The following COL19A1 variants were observed in gnomAD, a reference collection of about 807,000 sequenced individuals.
COL19A1 encodes the protein collagen alpha-1(XIX) chain.
In COL19A1, 159 loss-of-function variants were observed where a neutral mutation model predicts 190.2. That is an observed-to-expected ratio of 0.84 (90% confidence interval 0.73 to 0.95). The LOEUF (loss-of-function observed/expected upper bound fraction) is 0.95, where lower values mean the gene tolerates loss of function less well. Among genes scored for constraint, COL19A1 ranks in the 40% least tolerant of loss-of-function variants. The pLI, the probability that COL19A1 is intolerant of heterozygous loss-of-function variation, is 0.00. For missense variants in COL19A1, 1,418 were observed against 1,431.9 expected, an observed-to-expected ratio of 0.99 and a Z score of 0.16; for synonymous variants, 509 against 458.9, an observed-to-expected ratio of 1.11 and a Z score of -1.39.
intron 2 of COL19A1, chr6:69,879,964 C>T: frequency 2.6e-6 from 1 of 380,096 alleles, no homozygotes; most frequent in African/African-American, 2.1e-5. Context: ...TCCCTTTCCT[C>T]TTCAATAATT....
chr6:69,870,061 T>C (rs903047232), intron 1 of COL19A1, among the ~76,000 whole-genome samples: 4 of 152,234 alleles, frequency 2.6e-5, no homozygotes, highest in Non-Finnish European at 5.9e-5. Flanking sequence ...TTTTACTCTA[T>C]TTCTCCATCA....
chr6:70,163,441 G>A, intron 36 of COL19A1, 45 bp downstream of exon 36: 2 of 1,564,830 alleles, frequency 1.3e-6, no homozygotes, highest in Non-Finnish European at 1.8e-6. Flanking sequence ...GGGGCTTGGA[G>A]TGGGAGCAGG....
intron 15 of COL19A1, among the ~76,000 whole-genome samples, chr6:70,082,218 C>A (rs1033741345): frequency 6.6e-6 from 1 of 151,416 alleles, no homozygotes; most frequent in Non-Finnish European, 1.5e-5. Context: ...CTTTAACTGA[C>A]TACTGATGAA....
intron 9 of COL19A1, among the ~76,000 whole-genome samples, chr6:69,944,553 T>A (rs1773673459): frequency 6.6e-6 from 1 of 152,118 alleles, no homozygotes; most frequent in Non-Finnish European, 1.5e-5. Flanking sequence ...TTTTTTCTTT[T>A]AAAAAACAAA....
chr6:70,144,823 TATG>T (rs1266065353), intron 24 of COL19A1, 92 bp from the exon 25 acceptor site: 16 of 759,602 alleles, frequency 2.1e-5, no homozygotes, highest in Non-Finnish European at 3.6e-5. Context: ...TTTGACTGGC[TATG>T]ATGACAACTT....
intron 40 of COL19A1, 77 bp from the exon 41 acceptor site, chr6:70,171,887 A>C: frequency 6.9e-7 from 1 of 1,444,592 alleles, no homozygotes; most frequent in Non-Finnish European, 9.7e-7. Flanking sequence ...TTAAGCAAAA[A>C]AATCTTTGCT....
chr6:70,163,243 A>G (rs1219338240), intron 35 of COL19A1, 100 bp from the exon 36 acceptor site: 1 of 1,042,128 alleles, frequency 9.6e-7, no homozygotes, highest in Admixed American at 2.1e-5. Flanking sequence ...AATTAGGATC[A>G]AATGACCTTC....
At chr6:69,879,943 T>C (rs1582264091) in intron 2 of COL19A1, 4 of 411,870 alleles carry the variant, frequency 9.7e-6, no homozygotes, top group Non-Finnish European at 8.5e-6. Flanking sequence ...ATATATGACA[T>C]TATGTATCTT....
At chr6:69,982,973 AAAATAAAT>A (rs56922945) in intron 11 of COL19A1, among the ~76,000 whole-genome samples, 7,080 of 132,574 alleles carry the variant, frequency 0.053, 214 homozygotes, top group Admixed American at 0.075. Context: ...CTCTGTCTCA[AAAATAAAT>A]AAATAAATAA....
At chr6:70,018,760 C>A (rs1170068349) in intron 11 of COL19A1, among the ~76,000 whole-genome samples, 1 of 152,110 alleles carries the variant, frequency 6.6e-6, no homozygotes, top group African/African-American at 2.4e-5. Flanking sequence ...TGGGTAACTG[C>A]AGCTGAGTCC....
chr6:70,073,684 T>C (rs900263445), intron 15 of COL19A1, among the ~76,000 whole-genome samples: 64 of 152,162 alleles, frequency 4.2e-4, no homozygotes, highest in African/African-American at 1.5e-3. Context: ...CCAGTGTTGA[T>C]CTAACTTGAT....
At chr6:69,998,713 C>G (rs1777074367) in intron 11 of COL19A1, among the ~76,000 whole-genome samples, 1 of 151,374 alleles carries the variant, frequency 6.6e-6, no homozygotes, top group Non-Finnish European at 1.5e-5. Flanking sequence ...TCATTCCTAC[C>G]TCCTCTCACA....
At chr6:69,912,404 T>C (rs1398844365) in intron 4 of COL19A1, among the ~76,000 whole-genome samples, 1 of 152,224 alleles carries the variant, frequency 6.6e-6, no homozygotes, top group Non-Finnish European at 1.5e-5. Context: ...AAACCTACTG[T>C]TGTTATTTCT....
intron 17 of COL19A1, among the ~76,000 whole-genome samples, chr6:70,123,434 T>G (rs190013143): frequency 6.6e-6 from 1 of 151,728 alleles, no homozygotes; most frequent in Non-Finnish European, 1.5e-5. Flanking sequence ...GAAATACCAT[T>G]TGATCCAGCC....
At chr6:69,920,577 C>T (rs750450735) in intron 4 of COL19A1, among the ~76,000 whole-genome samples, 12 of 152,038 alleles carry the variant, frequency 7.9e-5, no homozygotes, top group South Asian at 4.1e-4. Context: ...TGGAGCACTT[C>T]GACCAACTTT....
chr6:69,890,708 A>T (rs74751274), intron 2 of COL19A1: 4,198 of 152,294 alleles, frequency 0.028, 86 homozygotes, highest in East Asian at 0.05. Context: ...TTAACTGGGA[A>T]TCCTGTATTT....
At chr6:70,163,482 T>C in intron 36 of COL19A1, 86 bp downstream of exon 36, 1 of 1,266,358 alleles carries the variant, frequency 7.9e-7, no homozygotes, top group South Asian at 1.3e-5. Flanking sequence ...AGCCATAAAA[T>C]CAAGCAAAGC....
At chr6:69,904,521 C>A (rs1334028463) in intron 4 of COL19A1, among the ~76,000 whole-genome samples, 1 of 152,314 alleles carries the variant, frequency 6.6e-6, no homozygotes, top group East Asian at 1.9e-4. Context: ...ACACTGTTAC[C>A]TAACTCTCAC....
chr6:70,177,810 T>C (rs1765909162), intron 42 of COL19A1, among the ~76,000 whole-genome samples: 1 of 152,188 alleles, frequency 6.6e-6, no homozygotes, highest in African/African-American at 2.4e-5. Flanking sequence ...TTCCTTGTGA[T>C]AAAATAAAGT....
Sources: allele counts gnomAD v4.1 joint callset (sites outside exome capture counted in the v4.1 genomes callset), GRCh38; gene constraint gnomAD v4.1.1; transcripts MANE v1.5; gene names NCBI Gene and HGNC (gene_info 2026-07-23, HGNC 2026-07-21).